HP1BP3: variants seen among roughly 807,000 people sequenced by gnomAD.
HP1BP3 encodes heterochromatin protein 1 binding protein 3.
HP1BP3 carries 12 observed loss-of-function variants against 62.5 expected under a neutral mutation model. The ratio of observed to expected loss-of-function variants is 0.19; its 90% CI spans 0.12 to 0.31. The LOEUF (loss-of-function observed/expected upper bound fraction) is 0.31, where lower values mean the gene tolerates loss of function less well. Ranked by LOEUF, HP1BP3 falls within the 10% of genes least tolerant of loss-of-function variation. The probability of loss-of-function intolerance (pLI) is 1.00; values close to 1 mark genes in which losing one functional copy is unlikely to be tolerated. For synonymous variants in HP1BP3, 260 were observed against 237.8 expected (o/e 1.09, Z -0.86); for missense variants, 502 against 651.8 (o/e 0.77, Z 2.50).
chr1:20,758,280 T>TA (rs1163522101), intron 8 of HP1BP3, among the ~76,000 whole-genome samples: 1 of 152,230 alleles, frequency 6.6e-6, no homozygotes, highest in East Asian at 1.9e-4. Flanking sequence ...GAACATTTAC[T>TA]AGGTACCAAG....
chr1:20,774,939 G>A (rs767814108), intron 4 of HP1BP3: 1 of 149,932 alleles, frequency 6.7e-6, no homozygotes, highest in Non-Finnish European at 1.5e-5. Flanking sequence ...AGCCCAGATC[G>A]CGCCACTGCA....
chr1:20,752,873 G>A (rs2055860430), intron 9 of HP1BP3, among the ~76,000 whole-genome samples: 1 of 152,154 alleles, frequency 6.6e-6, no homozygotes, highest in African/African-American at 2.4e-5. Flanking sequence ...ATGTAGACAT[G>A]ATGGTATCCA....
At chr1:20,755,296 G>A (rs1190512599) in intron 9 of HP1BP3, 6 of 430,448 alleles carry the variant, frequency 1.4e-5, no homozygotes, top group Admixed American at 7.3e-5. Flanking sequence ...GGTCAGGTGT[G>A]GTGGATCACA....
chr1:20,765,556 T>C, intron 7 of HP1BP3, 25 bp from the exon 8 acceptor site: 1 of 1,588,194 alleles, frequency 6.3e-7, no homozygotes. Context: ...TCAAAAATTA[T>C]GATCATTATA....
At position 20,776,711 on chromosome 1, in the gene HP1BP3, T is replaced by C; in HGVS notation, c.236A>G (p.Glu79Gly). The C allele has an allele frequency of 1.2e-6, 2 of 1,613,884 alleles. No individual in the cohort carries two copies. The highest frequency in any genetic ancestry group is 1.7e-6 in the Non-Finnish European group (2 of 1,179,880). ...AGGTGGAGTTTCATTCTCTTGTTCT[T>C]CTACAGTGGAGACAGATTCCTCTGA... The part of the protein sequence containing the change: ...ISSEESVSTV[E>G]EQENETPPAT... Residue 79 changes from glutamate (E) to glycine (G), a missense_variant, in exon 4 of 13, where the codon GAA (glutamate) becomes GGA (glycine). By Grantham distance (98) the Glu-to-Gly change is moderately conservative. Around this residue, in one of 5 missense-constraint regions of HP1BP3, gnomAD observed 165 missense variants for 156.4 expected, o/e 1.05. Transcript: ENST00000438032.
intron 8 of HP1BP3, among the ~76,000 whole-genome samples, chr1:20,759,343 C>T (rs560794867): frequency 2.6e-5 from 4 of 152,292 alleles, no homozygotes; most frequent in Admixed American, 6.5e-5. Flanking sequence ...ACGGAGGTTG[C>T]GGTGAGCCAA....
intron 11 of HP1BP3, 50 bp downstream of exon 11, chr1:20,747,494 G>A: frequency 1.8e-6 from 2 of 1,119,724 alleles, no homozygotes; most frequent in East Asian, 4.9e-5. Flanking sequence ...AACTGAGTGT[G>A]TAACTTAGAC....
intron 7 of HP1BP3, 141 bp downstream of exon 7, chr1:20,767,443 T>G (rs545995432): frequency 1.4e-6 from 1 of 711,422 alleles, no homozygotes; most frequent in Non-Finnish European, 2.5e-6. Context: ...GAGGAACAAA[T>G]TATTTATAAC....
rs373087437 is a variant in HP1BP3 at position 20,770,506 on chromosome 1, G to C, written c.654+424C>G. 5.1e-4 allele frequency among the ~76,000 whole-genome samples: 78 copies of C among 152,004 alleles called. 3 individuals are homozygous for C. In the South Asian group the frequency reaches 0.013, roughly 26 times the overall value. ...GATTTTGTATTTTTTGTAGAGAAGG[G>C]GTCTTGCTATGTTGCCCAGGCTGGT... is the stretch of plus-strand genomic sequence containing the variant. On this transcript the variant is annotated intron_variant, in intron 6 of 12. Coordinates refer to ENST00000438032, the MANE Select transcript of HP1BP3 (RefSeq NM_001372052.1).
chr1:20,768,218 G>A lies in HP1BP3; in HGVS notation c.655-554C>T, dbSNP rs564957769. Among the ~76,000 whole-genome samples, 25 of 152,086 alleles carry A rather than the reference G, an allele frequency of 1.6e-4. 1 individual carries two copies. The highest frequency in any genetic ancestry group is 6.2e-4 in the South Asian group (3 of 4,818). ...TCCCAGCACTTTGGGAGGCCGAGGC[G>A]GGCGAATCACGAGGTCAGGAGATCG... On this transcript the variant is annotated intron_variant, in intron 6 of 12. Coordinates refer to ENST00000438032, the MANE Select transcript of HP1BP3 (RefSeq NM_001372052.1).
chr1:20,748,357 A>AT (rs1205166638), intron 10 of HP1BP3, among the ~76,000 whole-genome samples: 2 of 152,208 alleles, frequency 1.3e-5, no homozygotes, highest in Admixed American at 1.3e-4. Flanking sequence ...TATCCAAAAT[A>AT]TATTTTATGG....
chr1:20,744,867 G>A lies in HP1BP3; in HGVS notation c.1592C>T (p.Ala531Val). Residue 531 changes from alanine (A) to valine (V), a missense_variant, in exon 13 of 13, where the codon GCA (alanine) becomes GTA (valine). Physicochemically the swap from Ala to Val is moderately conservative, Grantham distance 64. Around this residue, in one of 5 missense-constraint regions of HP1BP3, gnomAD observed 194 missense variants for 207.0 expected, o/e 0.94. Transcript: ENST00000438032. ...GGSSKKPATSARKEVKLPGKG... is the reference protein window; with the variant it reads ...GGSSKKPATSVRKEVKLPGKG... ...GCCCGGCAATTTTACTTCCTTTCTTGCACTGGTTGCAGGCTTCTTTGAGGA... is the reference window on the plus strand; with the variant it reads ...GCCCGGCAATTTTACTTCCTTTCTTACACTGGTTGCAGGCTTCTTTGAGGA... 6.2e-7 allele frequency: 1 copy of A among 1,614,028 alleles called. No homozygotes were observed. Among genetic ancestry groups the A allele is most frequent in the Non-Finnish European group, 8.5e-7 (1 of 1,180,020 alleles).
intron 5 of HP1BP3, among the ~76,000 whole-genome samples, chr1:20,771,588 G>C (rs1356298721): frequency 1.3e-5 from 2 of 152,146 alleles, no homozygotes; most frequent in East Asian, 1.9e-4. Context: ...GGAGAGTTTT[G>C]GGTAATAGTG....
intron 5 of HP1BP3, 50 bp downstream of exon 5, chr1:20,773,401 A>C (rs766760804): frequency 6.6e-7 from 1 of 1,509,228 alleles, no homozygotes; most frequent in African/African-American, 1.4e-5. Context: ...CAAATAAGAA[A>C]AAAATGAACA....
At chr1:20,751,413 G>C (rs1181696256) in intron 9 of HP1BP3, among the ~76,000 whole-genome samples, 2 of 151,960 alleles carry the variant, frequency 1.3e-5, no homozygotes, top group African/African-American at 4.8e-5. Context: ...GAAAATAGCA[G>C]TGAAAAATTT....
rs2056730249 is a variant in HP1BP3, at chr1:20,765,360, A to T, written c.890+17T>A. On this transcript the variant is annotated intron_variant, in intron 8 of 12. Coordinates refer to ENST00000438032, the MANE Select transcript of HP1BP3 (RefSeq NM_001372052.1). ...AGTAACACATCATGTTTTAAAGGCC[A>T]GGCCAATGGCTCATACCTGATGTCC... 6.4e-7 allele frequency: 1 copy of T among 1,550,760 alleles called. No homozygotes were observed. The highest frequency in any genetic ancestry group is 8.7e-7 in the Non-Finnish European group (1 of 1,148,506).
In HP1BP3 at chr1:20,742,469, G is replaced by A. The variant is rs16824572; in HGVS notation, c.*2328C>T. Among the ~76,000 whole-genome samples the A allele has an allele frequency of 6.6e-6, 1 of 152,014 alleles. No individual in the cohort carries two copies. The highest frequency in any genetic ancestry group is 2.4e-5 in the African/African-American group (1 of 41,376). ...ATACAAAATGATTTTTTAAACCTTT[G>A]ATTCATTAAGTAATTAGCATTCAAT... On this transcript the variant is annotated 3_prime_UTR_variant, in exon 13 of 13. Coordinates refer to ENST00000438032, the MANE Select transcript of HP1BP3 (RefSeq NM_001372052.1).
chr1:20,773,642 T>C (rs200057470), intron 4 of HP1BP3, 32 bp from the exon 5 acceptor site: 9 of 1,451,974 alleles, frequency 6.2e-6, no homozygotes, highest in Non-Finnish European at 8.4e-6. Context: ...TTATAGAAGA[T>C]AAGCTCTCTA....
chr1:20,763,570 G>T (rs1308920027), intron 8 of HP1BP3, among the ~76,000 whole-genome samples: 2 of 152,104 alleles, frequency 1.3e-5, no homozygotes, highest in Non-Finnish European at 2.9e-5. Flanking sequence ...ATTCAATATG[G>T]TAGTCTTCTG....
Sources: gnomAD v4.1 joint callset for allele counts (sites outside exome capture counted in the v4.1 genomes callset) on GRCh38, gnomAD v4.1.1 for gene constraint, gnomAD v4.1.1 regional missense constraint, MANE v1.5 for transcripts, NCBI Gene and HGNC (gene_info 2026-07-23, HGNC 2026-07-21) for gene names.